The following CHD2 variants were observed in gnomAD, a reference collection of about 807,000 sequenced individuals.
The protein encoded by CHD2 is chromodomain helicase DNA binding protein 2.
CHD2 carries 28 observed loss-of-function variants against 243.9 expected under a neutral mutation model. That is an observed-to-expected ratio of 0.11 (90% confidence interval 0.09 to 0.16). The LOEUF (loss-of-function observed/expected upper bound fraction) is 0.16, where lower values mean the gene tolerates loss of function less well. Ranked by LOEUF, CHD2 falls within the 10% of genes least tolerant of loss-of-function variation. The pLI, the probability that CHD2 is intolerant of heterozygous loss-of-function variation, is 1.00. For missense variants in CHD2, 1,386 were observed against 2,209.8 expected, an observed-to-expected ratio of 0.63 and a Z score of 7.47; for synonymous variants, 775 against 779.0, an observed-to-expected ratio of 0.99 and a Z score of 0.09.
intron 2 of CHD2, among the ~76,000 whole-genome samples, chr15:92,907,130 AGG>A (rs2052638182): frequency 6.6e-6 from 1 of 152,174 alleles, no homozygotes; most frequent in Non-Finnish European, 1.5e-5. Context: ...AAGCAAGTCT[AGG>A]GGGAGAGACA....
intron 37 of CHD2, among the ~76,000 whole-genome samples, chr15:93,019,533 C>T (rs998560398): frequency 6.6e-6 from 1 of 152,210 alleles, no homozygotes; most frequent in Non-Finnish European, 1.5e-5. Flanking sequence ...CTGTTTGTAA[C>T]ATGTGTCAGG....
intron 3 of CHD2, among the ~76,000 whole-genome samples, chr15:92,925,777 T>C (rs2053048669): frequency 1.3e-5 from 2 of 152,196 alleles, no homozygotes; most frequent in Admixed American, 1.3e-4. Flanking sequence ...AACTCCAAGG[T>C]GATGCTAAGG....
At chr15:92,966,066 CTTTT>C (rs533059554) in intron 16 of CHD2, among the ~76,000 whole-genome samples, 1 of 132,914 alleles carries the variant, frequency 7.5e-6, no homozygotes, top group Admixed American at 7.6e-5. Flanking sequence ...TTTTTCTTTT[CTTTT>C]TTTTTTTTTT....
At chr15:92,993,553 G>C (rs928395812) in intron 28 of CHD2, among the ~76,000 whole-genome samples, 4 of 124,798 alleles carry the variant, frequency 3.2e-5, no homozygotes, top group African/African-American at 1.1e-4. Flanking sequence ...TGCCTGTCCT[G>C]TGTGATATCT....
At chr15:92,973,355 C>T (rs955199706) in intron 19 of CHD2, among the ~76,000 whole-genome samples, 2 of 152,142 alleles carry the variant, frequency 1.3e-5, no homozygotes, top group African/African-American at 4.8e-5. Flanking sequence ...TTTATAGACA[C>T]ATAGACATAT....
At chr15:93,006,718 G>C (rs1431198001) in intron 34 of CHD2, among the ~76,000 whole-genome samples, 1 of 152,204 alleles carries the variant, frequency 6.6e-6, no homozygotes, top group Admixed American at 6.5e-5. Context: ...TTCGGCATGA[G>C]AGGTTGGGTC....
chr15:92,904,806 G>A, intron 2 of CHD2: 2 of 1,481,844 alleles, frequency 1.3e-6, no homozygotes, highest in Admixed American at 2.3e-5. Flanking sequence ...AGAGATGAGT[G>A]GGTTTAATTT....
intron 36 of CHD2, among the ~76,000 whole-genome samples, chr15:93,013,714 C>G (rs535976861): frequency 7.2e-5 from 11 of 152,072 alleles, no homozygotes; most frequent in Non-Finnish European, 1.5e-4. Context: ...GCGGGTGGAT[C>G]ACTTGAGGCC....
intron 1 of CHD2, 106 bp from the exon 2 acceptor site, chr15:92,901,061 C>T (rs1287247671): frequency 1.6e-6 from 1 of 618,912 alleles, no homozygotes; most frequent in Non-Finnish European, 2.9e-6. Flanking sequence ...TGGTGCTTAC[C>T]GTTGTTGTGT....
chr15:93,022,443 A>G (rs1048948201), intron 38 of CHD2, among the ~76,000 whole-genome samples: 4 of 152,208 alleles, frequency 2.6e-5, no homozygotes, highest in African/African-American at 9.7e-5. Context: ...ACATTTCAAC[A>G]TGAGATTTGG....
chr15:92,938,132 G>T (rs1032281134), intron 6 of CHD2, among the ~76,000 whole-genome samples: 42 of 152,156 alleles, frequency 2.8e-4, no homozygotes, highest in Admixed American at 2.4e-3. Context: ...TTGTAGTATT[G>T]CTTAGAATGG....
At chr15:92,959,785 C>G (rs1368072723) in intron 16 of CHD2, among the ~76,000 whole-genome samples, 1 of 152,242 alleles carries the variant, frequency 6.6e-6, no homozygotes, top group African/African-American at 2.4e-5. Flanking sequence ...AGCCACTGCA[C>G]CCGGCCTAGA....
At chr15:92,991,418 C>T in intron 26 of CHD2, 58 bp from the exon 27 acceptor site, 3 of 1,305,968 alleles carry the variant, frequency 2.3e-6, no homozygotes, top group Non-Finnish European at 3.3e-6. Context: ...ATGCTAGCAT[C>T]AACATAACTA....
chr15:92,945,752 C>A, intron 10 of CHD2, 69 bp from the exon 11 acceptor site: 1 of 967,408 alleles, frequency 1.0e-6, no homozygotes, highest in Non-Finnish European at 1.5e-6. Context: ...ACATTTTATT[C>A]ATAGAACCCA....
intron 16 of CHD2, among the ~76,000 whole-genome samples, chr15:92,966,934 A>T (rs1485369343): frequency 6.7e-6 from 1 of 150,366 alleles, no homozygotes; most frequent in East Asian, 1.9e-4. Context: ...AGGAATGACT[A>T]TTTATGAGTT....
At chr15:92,907,767 T>C (rs1198924373) in intron 2 of CHD2, among the ~76,000 whole-genome samples, 3 of 152,198 alleles carry the variant, frequency 2.0e-5, no homozygotes, top group African/African-American at 7.2e-5. Context: ...AATGTAAGCT[T>C]TTAGTAAGGT....
chr15:92,981,933 C>T (rs996963364), intron 24 of CHD2, among the ~76,000 whole-genome samples: 4 of 152,102 alleles, frequency 2.6e-5, no homozygotes, highest in African/African-American at 9.7e-5. Flanking sequence ...GAAATGAGGA[C>T]TAAACACAAA....
chr15:92,964,801 G>A (rs75594421), intron 16 of CHD2, among the ~76,000 whole-genome samples: 11,748 of 152,256 alleles, frequency 0.077, 475 homozygotes, highest in Middle Eastern at 0.19. Context: ...AGACCATCAT[G>A]TGCAAATATA....
At chr15:93,008,534 G>A (rs142865635) in intron 34 of CHD2, among the ~76,000 whole-genome samples, 2 of 152,202 alleles carry the variant, frequency 1.3e-5, no homozygotes, top group African/African-American at 2.4e-5. Flanking sequence ...TCCTGGCTTC[G>A]AATTTCATTT....
Sources: gnomAD v4.1 joint callset for allele counts (sites outside exome capture counted in the v4.1 genomes callset) on GRCh38, gnomAD v4.1.1 for gene constraint, MANE v1.5 for transcripts, NCBI Gene and HGNC (gene_info 2026-07-23, HGNC 2026-07-21) for gene names.